The following XYLT1 variants were observed in gnomAD, a reference collection of about 807,000 sequenced individuals.
XYLT1 encodes the protein xylosyltransferase 1.
In XYLT1, 36 loss-of-function variants were observed where a neutral mutation model predicts 91.3. The ratio of observed to expected loss-of-function variants is 0.39; its 90% CI spans 0.30 to 0.52. The LOEUF (loss-of-function observed/expected upper bound fraction) is 0.52. Among genes scored for constraint, XYLT1 ranks in the 20% least tolerant of loss-of-function variants. The pLI is 0.68. For synonymous variants in XYLT1, 588 were observed against 532.0 expected (o/e 1.11, Z -1.45); for missense variants, 1,242 against 1,284.5 (o/e 0.97, Z 0.51).
intron 1 of XYLT1, among the ~76,000 whole-genome samples, chr16:17,422,906 A>G (rs1213816746): frequency 6.6e-6 from 1 of 152,172 alleles, no homozygotes; most frequent in Non-Finnish European, 1.5e-5. Flanking sequence ...AGTGGCAAAT[A>G]GGGGCTGAAA....
At chr16:17,176,531 C>G (rs1436695927) in intron 5 of XYLT1, among the ~76,000 whole-genome samples, 2 of 152,254 alleles carry the variant, frequency 1.3e-5, no homozygotes, top group Non-Finnish European at 2.9e-5. Flanking sequence ...CTTTCAACCG[C>G]TTTGCTGCAC....
At chr16:17,214,859 C>T (rs1429579196) in intron 3 of XYLT1, among the ~76,000 whole-genome samples, 1 of 152,204 alleles carries the variant, frequency 6.6e-6, no homozygotes, top group Non-Finnish European at 1.5e-5. Context: ...CTATGCTCCT[C>T]CAATCACCCT....
intron 1 of XYLT1, among the ~76,000 whole-genome samples, chr16:17,437,457 A>G (rs927455029): frequency 1.3e-5 from 2 of 152,138 alleles, no homozygotes; most frequent in Non-Finnish European, 2.9e-5. Context: ...TATCTGTACC[A>G]AATGTTTATT....
chr16:17,368,438 G>A (rs542684276), intron 1 of XYLT1, among the ~76,000 whole-genome samples: 3 of 152,018 alleles, frequency 2.0e-5, no homozygotes, highest in Non-Finnish European at 4.4e-5. Flanking sequence ...CCAGTAGACC[G>A]CTATCATTGG....
rs67480834 is a variant in XYLT1, at chr16:17,300,452, C to CTTTTTTTTTTTTTTTTTTTT, written c.403-40974_403-40955dup. Among the ~76,000 whole-genome samples the CTTTTTTTTTTTTTTTTTTTT allele has an allele frequency of 3.7e-4, 24 of 64,836 alleles. 3 individuals are homozygous for CTTTTTTTTTTTTTTTTTTTT. Among genetic ancestry groups the CTTTTTTTTTTTTTTTTTTTT allele is most frequent in the African/African-American group, 1.1e-3 (18 of 16,062 alleles). 42.5% of individuals were successfully genotyped at this position (64,836 alleles called of 152,430 possible). A position where few individuals can be genotyped will look rare whatever the true frequency, so the allele number is the denominator to read the frequency against. On this transcript the variant is annotated intron_variant, in intron 2 of 11. Transcript: ENST00000261381. ...CAGCTATTTCTTTCTTTCATTCTTTCTTTTTTTTTTTTTTTTTTTTTTGAG... is the reference window on the plus strand; with the variant it reads ...CAGCTATTTCTTTCTTTCATTCTTTCTTTTTTTTTTTTTTTTTTTTTTTTTTTTTTTTTTTTTTTTTTGAG...
intron 2 of XYLT1, among the ~76,000 whole-genome samples, chr16:17,283,327 G>A (rs572327716): frequency 4.1e-4 from 63 of 152,270 alleles, no homozygotes; most frequent in Non-Finnish European, 6.9e-4. Flanking sequence ...TCTGAAGGCC[G>A]GGGGCAGTCA....
intron 2 of XYLT1, among the ~76,000 whole-genome samples, chr16:17,285,892 G>GTGTGTGTA (rs2034130445): frequency 9.3e-6 from 1 of 107,152 alleles, no homozygotes; most frequent in Admixed American, 8.7e-5. Context: ...GTGTGTGTGT[G>GTGTGTGTA]TGTGTGTGTG....
At chr16:17,239,597 A>ATCCC (rs1201220974) in intron 3 of XYLT1, among the ~76,000 whole-genome samples, 3 of 146,318 alleles carry the variant, frequency 2.1e-5, no homozygotes, top group Admixed American at 2.0e-4. Flanking sequence ...TAGTCCGTCC[A>ATCCC]TCCATCCATC....
chr16:17,460,125 C>T (rs1006733096), intron 1 of XYLT1, among the ~76,000 whole-genome samples: 5 of 152,300 alleles, frequency 3.3e-5, no homozygotes, highest in South Asian at 2.1e-4. Flanking sequence ...ATGAAAGTCA[C>T]GGTCCGTCCC....
chr16:17,311,471 G>A (rs563407579), intron 2 of XYLT1, among the ~76,000 whole-genome samples: 3 of 152,268 alleles, frequency 2.0e-5, no homozygotes, highest in South Asian at 2.1e-4. Context: ...GTGAAGGTGC[G>A]TTTCTTTCCA....
chr16:17,154,108 G>A (rs1044167950), intron 6 of XYLT1, among the ~76,000 whole-genome samples: 12 of 152,174 alleles, frequency 7.9e-5, no homozygotes, highest in African/African-American at 1.4e-4. Context: ...CCTGGAATGC[G>A]CCCAGCGTGG....
chr16:17,379,763 T>TCTCTCTCTCTCACACA (rs373354877), intron 1 of XYLT1, among the ~76,000 whole-genome samples: 6 of 125,544 alleles, frequency 4.8e-5, no homozygotes, highest in African/African-American at 1.9e-4. Context: ...TCTCTCTCTC[T>TCTCTCTCTCTCACACA]CACACACACA....
Position 17,348,158 on chromosome 16 carries a change from C to G in XYLT1, c.402+9854G>C, listed in dbSNP as rs2035170975. Among the ~76,000 whole-genome samples the G allele has an allele frequency of 2.6e-5, 4 of 152,074 alleles. No individual in the cohort carries two copies. The South Asian group carries it at 8.3e-4, about 31-fold the overall frequency. Reference sequence around the variant, plus strand: ...GTGGAGAGTGGATCTGGGGCTGGGGCTTGCGGGGGAAGAAGACACCCAACA... The same window carrying G: ...GTGGAGAGTGGATCTGGGGCTGGGGGTTGCGGGGGAAGAAGACACCCAACA... On this transcript the variant is annotated intron_variant, in intron 2 of 11. Coordinates refer to ENST00000261381, the MANE Select transcript of XYLT1 (RefSeq NM_022166.4).
rs760782687 is a variant in XYLT1, at chr16:17,108,676, C to G, written c.*19G>C. 6.5e-7 allele frequency: 1 copy of G among 1,540,592 alleles called. No homozygotes were observed. Among genetic ancestry groups the G allele is most frequent in the South Asian group, 1.2e-5 (1 of 81,182 alleles). On this transcript the variant is annotated 3_prime_UTR_variant, in exon 12 of 12. Coordinates refer to ENST00000261381, the MANE Select transcript of XYLT1 (RefSeq NM_022166.4). ...TTTCCCGTTGAGATCCTGCTGTGGC[C>G]CACTCCTCGTGCCCAGTGCTACCTG...
Position 17,310,454 on chromosome 16 carries a change from T to C in XYLT1, c.402+47558A>G, listed in dbSNP as rs546613323. Reference sequence around the variant, plus strand: ...GTGACTGGCATCTGTCCCCACCAGATAGTGATGTGGCCTGAGAGCAGGAAT... The same window carrying C: ...GTGACTGGCATCTGTCCCCACCAGACAGTGATGTGGCCTGAGAGCAGGAAT... On this transcript the variant is annotated intron_variant, in intron 2 of 11. Coordinates refer to ENST00000261381, the MANE Select transcript of XYLT1 (RefSeq NM_022166.4). Among the ~76,000 whole-genome samples, 5 of 152,316 alleles carry C rather than the reference T, an allele frequency of 3.3e-5. No individual in the cohort carries two copies. In the South Asian group the frequency reaches 8.3e-4, roughly 25 times the overall value.
intron 10 of XYLT1, among the ~76,000 whole-genome samples, chr16:17,118,573 G>A (rs1047227986): frequency 1.3e-5 from 2 of 152,144 alleles, no homozygotes; most frequent in Non-Finnish European, 2.9e-5. Flanking sequence ...TGGACTGTAA[G>A]CATGAGAGTC....
intron 2 of XYLT1, among the ~76,000 whole-genome samples, chr16:17,300,111 A>C (rs1292254987): frequency 6.6e-6 from 1 of 152,142 alleles, no homozygotes; most frequent in Non-Finnish European, 1.5e-5. Context: ...GGTCGGGAGG[A>C]ATTTGGGGGT....
chr16:17,254,786 G>A (rs2033603360), intron 3 of XYLT1, among the ~76,000 whole-genome samples: 1 of 152,130 alleles, frequency 6.6e-6, no homozygotes, highest in African/African-American at 2.4e-5. Flanking sequence ...TAAGCTTTCA[G>A]TCAACACAGG....
chr16:17,332,305 TA>T (rs1281794534), intron 2 of XYLT1, among the ~76,000 whole-genome samples: 1 of 152,192 alleles, frequency 6.6e-6, no homozygotes, highest in Non-Finnish European at 1.5e-5. Context: ...CTCATGCCTA[TA>T]ATCCCAGCAC....
Sources: allele counts gnomAD v4.1 joint callset (sites outside exome capture counted in the v4.1 genomes callset), GRCh38; gene constraint gnomAD v4.1.1; transcripts MANE v1.5; gene names NCBI Gene and HGNC (gene_info 2026-07-23, HGNC 2026-07-21).